TTN: variants seen among roughly 807,000 people sequenced by gnomAD.
TTN encodes the protein connectin.
In TTN, 1,525 loss-of-function variants were observed where a neutral mutation model predicts 3,223.0. The ratio of observed to expected loss-of-function variants is 0.47; its 90% CI spans 0.45 to 0.49. TTN has a LOEUF of 0.49. TTN is among the 20% of genes least tolerant of loss of function. TTN has a pLI of 0.00. For synonymous variants in TTN, 14,094 were observed against 15,161.0 expected, an observed-to-expected ratio of 0.93 and a Z score of 5.17; for missense variants, 40,786 against 43,424.0, an observed-to-expected ratio of 0.94 and a Z score of 5.40.
In TTN at chr2:178,611,476, A is replaced by G. The variant is rs765405714; in HGVS notation, c.50753T>C (p.Val16918Ala). Residue 16918 changes from valine to alanine, a missense_variant, in exon 269 of 363, where the codon GTT (valine) becomes GCT (alanine). Coordinates refer to ENST00000589042, the MANE Select transcript of TTN (RefSeq NM_001267550.2). ...CAGGACATATTCTTTGTCAGGAACA[A>G]CACCTTCTTCAACCTTGAATTTCAA... ...KDLKFKVEEG[V>A]VPDKEYVLRV... 1 of 1,612,958 alleles carries G rather than the reference A, an allele frequency of 6.2e-7. No individual in the cohort carries two copies. The highest frequency in any genetic ancestry group is 1.1e-5 in the South Asian group (1 of 91,058).
Position 178,784,199 on chromosome 2 carries a change from G to C in TTN, c.2646C>G (p.Pro882=). 7 of 1,614,184 alleles carry C rather than the reference G, an allele frequency of 4.3e-6. No individual in the cohort carries two copies. The highest frequency in any genetic ancestry group is 5.9e-6 in the Non-Finnish European group (7 of 1,180,014). ...RAEPTPLPQF[P]FADTPDTYKS... ...TGTAAGTATCTGGTGTGTCAGCGAA[G>C]GGGAACTGTGGCAAGGGTGTGGGCT... Residue 882 remains proline, a synonymous_variant, in exon 16 of 363, where the codon CCC becomes CCG. Transcript: ENST00000589042.
chr2:178,639,544 T>C (rs1396659245), intron 223 of TTN, among the ~76,000 whole-genome samples, 155 bp downstream of exon 223: 1 of 152,020 alleles, frequency 6.6e-6, no homozygotes, highest in Non-Finnish European at 1.5e-5. Context: ...ATAAAGGATA[T>C]CACATGAAGA....
At chr2:178,670,001 G>C (rs1168829187) in intron 157 of TTN, among the ~76,000 whole-genome samples, 2 of 151,756 alleles carry the variant, frequency 1.3e-5, no homozygotes, top group East Asian at 3.9e-4. Context: ...ATATTATTTA[G>C]TTATTAAATA....
In TTN at chr2:178,730,604, C is replaced by A; in HGVS notation, c.17929G>T (p.Glu5977Ter). ...FSFHDNTAFL[E>*]ISQLEGTDSG... ...TCTGTACCTTCCAGCTGGCTGATTT[C>A]CAAGAAGGCAGTATTGTCATGAAAA... The change falls in exon 61 of 363, where the codon GAA becomes TAA. Residue 5977 changes from glutamate (E) to a stop codon, truncating the protein, a stop_gained. Coordinates refer to ENST00000589042, the MANE Select transcript of TTN (RefSeq NM_001267550.2). LOFTEE classifies it high-confidence loss of function. 1 of 1,613,610 alleles carries A rather than the reference C, an allele frequency of 6.2e-7. No individual in the cohort carries two copies. Among genetic ancestry groups the A allele is most frequent in the Non-Finnish European group, 8.5e-7 (1 of 1,179,654 alleles).
At chr2:178,728,867 T>C (rs1411120456) in intron 65 of TTN, 24 bp downstream of exon 65, 1 of 1,577,904 alleles carries the variant, frequency 6.3e-7, no homozygotes, top group Non-Finnish European at 8.6e-7. Context: ...ATAGACTATC[T>C]TTGAAAGAGA....
chr2:178,607,068 C>T lies in TTN; in HGVS notation c.53534G>A (p.Cys17845Tyr). 6.2e-7 allele frequency: 1 copy of T among 1,612,008 alleles called. No individual in the cohort carries two copies. Among genetic ancestry groups the T allele is most frequent in the Non-Finnish European group, 8.5e-7 (1 of 1,179,036 alleles). ...FRVIAKNKFG[C>Y]GPPVEIGPIL... is the part of the protein sequence containing the mutation. ...TGGTCCTATTTCAACAGGAGGGCCA[C>T]AGCCAAACTTGTTCTTGGCAATAAC... The change falls in exon 278 of 363, where the codon TGT becomes TAT. Residue 17845 changes from cysteine to tyrosine, a missense_variant. Transcript: ENST00000589042.
intron 241 of TTN, 59 bp from the exon 242 acceptor site, chr2:178,624,790 C>A (rs573007374): frequency 1.3e-6 from 2 of 1,582,600 alleles, no homozygotes; most frequent in East Asian, 2.2e-5. Flanking sequence ...AGTTTTGGTA[C>A]CTTCTCAACT....
chr2:178,773,022 C>A (rs939759651), intron 33 of TTN, 87 bp downstream of exon 33: 18 of 1,574,922 alleles, frequency 1.1e-5, no homozygotes, highest in Non-Finnish European at 1.4e-5. Context: ...AAGTGGGAAA[C>A]TGAAAGGAAT....
intron 47 of TTN, chr2:178,752,131 T>G (rs2085723365): frequency 5.2e-6 from 6 of 1,158,682 alleles, no homozygotes; most frequent in Non-Finnish European, 7.5e-6. Context: ...TGAAATAAAT[T>G]GCATGCTACA....
At position 178,590,074 on chromosome 2, in the gene TTN, C is replaced by T; in HGVS notation, c.61651G>A (p.Ala20551Thr). The change falls in exon 304 of 363, where the codon GCT becomes ACT. Residue 20551 changes from alanine (A) to threonine (T), a missense_variant. By Grantham distance (58) the Ala-to-Thr change is moderately conservative. Transcript: ENST00000589042. ...RADHGKYIIS[A>T]KNSSGHAQGS... ...TGGGCATGTCCACTGCTGTTCTTAG[C>T]TGAGATGATATACTTGCCATGATCA... 6.2e-7 allele frequency: 1 copy of T among 1,613,172 alleles called. No individual in the cohort carries two copies. Among genetic ancestry groups the T allele is most frequent in the Non-Finnish European group, 8.5e-7 (1 of 1,179,470 alleles).
rs751048889 is a variant in TTN at position 178,620,381 on chromosome 2, A to T, written c.46140T>A (p.Ser15380=). ...CTTCTATGATGAGAAGCTCAGCAAC[A>T]GATTTATCTTGTCCAGCAGTGACAA... is the stretch of plus-strand genomic sequence containing the variant. ...EYIVTAGQDK[S]VAELLIIEAP... The change falls in exon 248 of 363, where the codon TCT becomes TCA. Residue 15380 remains serine, a synonymous_variant. Coordinates refer to ENST00000589042, the MANE Select transcript of TTN (RefSeq NM_001267550.2). 3 of 1,611,362 alleles carry T rather than the reference A, an allele frequency of 1.9e-6. No homozygotes were observed. The highest frequency in any genetic ancestry group is 2.2e-5 in the South Asian group (2 of 90,708).
In TTN at chr2:178,617,983, T is replaced by A; in HGVS notation, c.47368A>T (p.Ile15790Phe). The A allele has an allele frequency of 6.2e-7, 1 of 1,612,642 alleles. No individual in the cohort carries two copies. The highest frequency in any genetic ancestry group is 8.5e-7 in the Non-Finnish European group (1 of 1,179,106). ...EPPEYDGGAE[I>F]TNYVIELRDK... The stretch of plus-strand genomic sequence containing the variant: ...CTTAATTCAATGACGTAGTTTGTGA[T>A]CTCAGCACCTCCATCATACTCTGGT... The change falls in exon 253 of 363, where the codon ATC becomes TTC. Residue 15790 changes from isoleucine to phenylalanine, a missense_variant. By Grantham distance (21) the Ile-to-Phe change is conservative (BLOSUM62 0). Transcript: ENST00000589042.
At position 178,551,889 on chromosome 2, in the gene TTN, A is replaced by G. The variant is rs780765525; in HGVS notation, c.91011T>C (p.Thr30337=). 5 of 1,613,932 alleles carry G rather than the reference A, an allele frequency of 3.1e-6. No homozygotes were observed. The highest frequency in any genetic ancestry group is 8.5e-7 in the Non-Finnish European group (1 of 1,179,824). Residue 30337 remains threonine (T), a synonymous_variant, in exon 335 of 363, where the codon ACT becomes ACC. Coordinates refer to ENST00000589042, the MANE Select transcript of TTN (RefSeq NM_001267550.2). Reference sequence around the variant, plus strand: ...CCCAAGTTAGTGACATGCCATCAGAAGTCACATTGTATATAACTGGCTTTC... The same window carrying G: ...CCCAAGTTAGTGACATGCCATCAGAGGTCACATTGTATATAACTGGCTTTC... The part of the protein sequence containing the change: ...PPGKPVIYNV[T]SDGMSLTWDA...
At chr2:178,702,906 TTCTTAAAATATTTATA>T (rs1186319979) in intron 106 of TTN, among the ~76,000 whole-genome samples, 1 of 152,194 alleles carries the variant, frequency 6.6e-6, no homozygotes, top group Non-Finnish European at 1.5e-5. Context: ...TTATTGTGAG[TTCTTAAAATATTTATA>T]TAAAGAACAT....
rs879071113 is a variant in TTN, at chr2:178,532,334, G to A, written c.104281C>T (p.Arg34761Trp). 16 of 1,613,864 alleles carry A rather than the reference G, an allele frequency of 9.9e-6. No individual in the cohort carries two copies. The East Asian group carries it at 1.3e-4, about 13-fold the overall frequency. Residue 34761 changes from arginine (R) to tryptophan (W), a missense_variant, in exon 358 of 363, where the codon CGG (arginine) becomes TGG (tryptophan). Coordinates refer to ENST00000589042, the MANE Select transcript of TTN (RefSeq NM_001267550.2). Reference protein sequence around the residue: ...AQAAYRQPKQRQRIMAEREDE... With the variant: ...AQAAYRQPKQWQRIMAEREDE... ...TCCCTCTCAGCCATGATTCTTTGCC[G>A]TTGCTTTGGCTGTCTGTACGCAGCC...
intron 38 of TTN, 112 bp downstream of exon 38, chr2:178,768,561 C>T: frequency 2.1e-6 from 3 of 1,460,250 alleles, no homozygotes; most frequent in Non-Finnish European, 2.8e-6. Context: ...TGAATGATAT[C>T]CCATCGTATG....
At chr2:178,685,077 A>T in intron 129 of TTN, 88 bp from the exon 130 acceptor site, 9 of 1,239,082 alleles carry the variant, frequency 7.3e-6, no homozygotes, top group Non-Finnish European at 1.0e-5. Flanking sequence ...TTTTGAAAAG[A>T]TTGCACATAT....
Position 178,614,064 on chromosome 2 carries a change from T to C in TTN, c.49333A>G (p.Lys16445Glu), listed in dbSNP as rs1553701901. The change falls in exon 262 of 363, where the codon AAA (lysine) becomes GAA (glutamate). Residue 16445 changes from lysine (K) to glutamate (E), a missense_variant. Transcript: ENST00000589042. ...EPVQASPITA[K>E]YQFDPPGPPT... ...TTGAGAAACTTACCAAACTGATATTTGGCTGTTATTGGAGAGGCCTGAACT... is the reference window on the plus strand; with the variant it reads ...TTGAGAAACTTACCAAACTGATATTCGGCTGTTATTGGAGAGGCCTGAACT... The C allele has an allele frequency of 1.2e-6, 2 of 1,611,954 alleles. No homozygotes were observed. The highest frequency in any genetic ancestry group is 2.7e-5 in the African/African-American group (2 of 74,832).
In TTN at chr2:178,602,404, TC is replaced by T; in HGVS notation, c.54997del (p.Glu18333AsnfsTer7). ...NEPDKLITTC[E>X]CVVPNLKELR... Reference sequence around the variant, plus strand: ...CTCTTTCAGATTAGGCACCACACATTCACAGGTAGTTATAAGTTTGTCTGGT... The same window carrying T: ...CTCTTTCAGATTAGGCACCACACATTACAGGTAGTTATAAGTTTGTCTGGT... On this transcript the variant is annotated frameshift_variant, in exon 283 of 363. Transcript: ENST00000589042. LOFTEE classifies it high-confidence loss of function. 6.2e-7 allele frequency: 1 copy of T among 1,612,796 alleles called. No homozygotes were observed. The highest frequency in any genetic ancestry group is 1.3e-5 in the African/African-American group (1 of 74,946).
Sources: allele counts gnomAD v4.1 joint callset (sites outside exome capture counted in the v4.1 genomes callset), GRCh38; gene constraint gnomAD v4.1.1; transcripts MANE v1.5; gene names NCBI Gene and HGNC (gene_info 2026-07-23, HGNC 2026-07-21).